The following COL4A3 variants were observed in gnomAD, a reference collection of about 807,000 sequenced individuals.
The protein encoded by COL4A3 is collagen alpha-3(IV) chain.
COL4A3 carries 135 observed loss-of-function variants against 217.4 expected under a neutral mutation model. The ratio of observed to expected loss-of-function variants is 0.62; its 90% confidence interval spans 0.54 to 0.72. The LOEUF is 0.72. COL4A3 is among the 30% of genes least tolerant of loss of function. The pLI, the probability that COL4A3 is intolerant of heterozygous loss-of-function variation, is 0.00. For synonymous variants in COL4A3, 690 were observed against 736.3 expected (o/e 0.94, Z 1.02); for missense variants, 1,868 against 2,119.9 (o/e 0.88, Z 2.33).
At chr2:227,278,038 T>C (rs1327920413) in intron 28 of COL4A3, among the ~76,000 whole-genome samples, 3 of 152,066 alleles carry the variant, frequency 2.0e-5, no homozygotes, top group African/African-American at 2.4e-5. Context: ...CTCACCAAAA[T>C]GGTAATAGTG....
At chr2:227,276,565 G>GA (rs2071579258) in intron 27 of COL4A3, 88 bp downstream of exon 27, 8 of 994,318 alleles carry the variant, frequency 8.0e-6, no homozygotes, top group South Asian at 2.6e-5. Flanking sequence ...CCATTATAAG[G>GA]AAAAAAATGT....
chr2:227,293,987 G>T (rs1291988772), intron 38 of COL4A3: 5 of 320,992 alleles, frequency 1.6e-5, no homozygotes, highest in Non-Finnish European at 2.4e-5. Flanking sequence ...TGAAGGTTAG[G>T]ACTTCAGCAT....
chr2:227,311,380 C>CTTTTTTT (rs11286889), intron 51 of COL4A3, among the ~76,000 whole-genome samples: 1 of 141,742 alleles, frequency 7.1e-6, no homozygotes, highest in Non-Finnish European at 1.6e-5. Flanking sequence ...AATTTCTCTC[C>CTTTTTTT]TTTTTTTTTT....
chr2:227,225,426 G>A (rs983148235), intron 1 of COL4A3, among the ~76,000 whole-genome samples: 3 of 152,114 alleles, frequency 2.0e-5, no homozygotes, highest in African/African-American at 4.8e-5. Context: ...TCAGTTCCCA[G>A]GCGGATTTTT....
chr2:227,252,212 C>CTTTTTTT (rs72162625), intron 11 of COL4A3, among the ~76,000 whole-genome samples: 2 of 82,830 alleles, frequency 2.4e-5, no homozygotes, highest in African/African-American at 4.2e-5. Flanking sequence ...TTCTTTCTTT[C>CTTTTTTT]TTTTTTTTTT....
At position 227,232,082 on chromosome 2, in the gene COL4A3, T is replaced by C. The variant is rs145706413; in HGVS notation, c.88-5886T>C. ...AATGTTTGTCTTTCTGTACCTGGCTTATTTCATTTAACATAGTGATCTCCA... is the reference window on the plus strand; with the variant it reads ...AATGTTTGTCTTTCTGTACCTGGCTCATTTCATTTAACATAGTGATCTCCA... On this transcript the variant is annotated intron_variant, in intron 1 of 51. Coordinates refer to ENST00000396578, the MANE Select transcript of COL4A3 (RefSeq NM_000091.5). Among the ~76,000 whole-genome samples, 22 of 152,332 alleles carry C rather than the reference T, an allele frequency of 1.4e-4. No homozygotes were observed. The East Asian group carries it at 4.1e-3, about 28-fold the overall frequency.
At chr2:227,241,020 G>T (rs2068987585) in intron 3 of COL4A3, among the ~76,000 whole-genome samples, 1 of 152,062 alleles carries the variant, frequency 6.6e-6, no homozygotes. Flanking sequence ...TATTTCTCCT[G>T]TCTCTCTATC....
intron 26 of COL4A3, among the ~76,000 whole-genome samples, chr2:227,275,894 A>G (rs886196671): frequency 2.6e-5 from 4 of 151,934 alleles, no homozygotes; most frequent in Non-Finnish European, 5.9e-5. Context: ...TTTTTGGAAT[A>G]GGCTCTTTTC....
intron 21 of COL4A3, 39 bp from the exon 22 acceptor site, chr2:227,266,378 C>A: frequency 6.8e-7 from 1 of 1,478,798 alleles, no homozygotes; most frequent in Middle Eastern, 1.7e-4. Flanking sequence ...TTGAAAAAAA[C>A]ACAAATAAAA....
At chr2:227,235,150 G>A (rs1239279042) in intron 1 of COL4A3, among the ~76,000 whole-genome samples, 1 of 110,556 alleles carries the variant, frequency 9.0e-6, no homozygotes, top group Non-Finnish European at 2.3e-5. Context: ...GGGCACTGAG[G>A]ACTTGCATTT....
Position 227,305,096 on chromosome 2 carries a change from C to T in COL4A3, c.4252+13C>T, listed in dbSNP as rs1490112735. On this transcript the variant is annotated intron_variant, in intron 47 of 51. Coordinates refer to ENST00000396578, the MANE Select transcript of COL4A3 (RefSeq NM_000091.5). ...AAAGGAGAGCCAGGTAAACCCCCAG[C>T]TTGTTTCCTCACCGAAGAAGTGCTA... The T allele has an allele frequency of 3.1e-6, 5 of 1,610,006 alleles. No homozygotes were observed. The highest frequency in any genetic ancestry group is 4.2e-6 in the Non-Finnish European group (5 of 1,177,164).
intron 1 of COL4A3, among the ~76,000 whole-genome samples, chr2:227,205,581 T>G (rs2067070134): frequency 6.7e-6 from 1 of 148,570 alleles, no homozygotes; most frequent in Non-Finnish European, 1.5e-5. Context: ...ATAGCTAAAA[T>G]TATTATTGAT....
Position 227,253,338 on chromosome 2 carries a change from G to A in COL4A3, c.687+1G>A, listed in dbSNP as rs2069903710. ...AGTGATAGGACATAAAGGAGAGCGG[G>A]TAATTTAAATACTATGTTTTATTAG... is the stretch of plus-strand genomic sequence containing the variant. On this transcript the variant is annotated splice_donor_variant, in intron 12 of 51. Coordinates refer to ENST00000396578, the MANE Select transcript of COL4A3 (RefSeq NM_000091.5). LOFTEE classifies it high-confidence loss of function. This position sits in a 1 kb window ranked among gnomAD's most constrained non-coding sequence, Gnocchi z 4.4. 6.2e-7 allele frequency: 1 copy of A among 1,613,514 alleles called. No homozygotes were observed. Among genetic ancestry groups the A allele is most frequent in the African/African-American group, 1.3e-5 (1 of 74,898 alleles).
chr2:227,207,259 A>G (rs546739964), intron 1 of COL4A3, among the ~76,000 whole-genome samples: 172 of 152,362 alleles, frequency 1.1e-3, no homozygotes, highest in African/African-American at 3.8e-3. Context: ...GAAAGTTAGT[A>G]ACCCCACAGA....
At chr2:227,262,299 A>C (rs1269924301) in intron 20 of COL4A3, among the ~76,000 whole-genome samples, 1 of 151,914 alleles carries the variant, frequency 6.6e-6, no homozygotes, top group African/African-American at 2.4e-5. Flanking sequence ...GCCCCTAAGT[A>C]AAAAAAACAA....
intron 4 of COL4A3, 125 bp from the exon 5 acceptor site, chr2:227,244,826 C>T (rs182195543): frequency 6.9e-5 from 68 of 978,746 alleles, no homozygotes; most frequent in Admixed American, 4.1e-4. Context: ...CCAATCGTTT[C>T]GAGCTATTCC....
intron 1 of COL4A3, among the ~76,000 whole-genome samples, chr2:227,217,548 A>G (rs1043356643): frequency 6.6e-6 from 1 of 152,206 alleles, no homozygotes; most frequent in African/African-American, 2.4e-5. Context: ...CTATAGAAAA[A>G]GCTGATATTG....
At chr2:227,226,369 A>G (rs1449223597) in intron 1 of COL4A3, among the ~76,000 whole-genome samples, 1 of 152,184 alleles carries the variant, frequency 6.6e-6, no homozygotes, top group Admixed American at 6.5e-5. Flanking sequence ...GTAGGCGGAC[A>G]GAAAGAAGAG....
chr2:227,268,079 C>T (rs1024793787), intron 23 of COL4A3, among the ~76,000 whole-genome samples: 1 of 152,222 alleles, frequency 6.6e-6, no homozygotes, highest in African/African-American at 2.4e-5. Flanking sequence ...CTACCACCCA[C>T]AGTCCTGACT....
Sources: gnomAD v4.1 joint callset for allele counts (sites outside exome capture counted in the v4.1 genomes callset) on GRCh38, gnomAD v4.1.1 for gene constraint, Gnocchi (gnomAD v3.1) non-coding constraint, MANE v1.5 for transcripts, NCBI Gene and HGNC (gene_info 2026-07-23, HGNC 2026-07-21) for gene names.